Variants in PTPN12 observed in about 807,000 individuals in gnomAD.
PTPN12 encodes tyrosine-protein phosphatase non-receptor type 12.
In PTPN12, 29 loss-of-function variants were observed where a neutral mutation model predicts 97.6. That is an observed-to-expected ratio of 0.30 (90% CI 0.22 to 0.41). The LOEUF (loss-of-function observed/expected upper bound fraction) is 0.41, where lower values mean the gene tolerates loss of function less well. Among genes scored for constraint, PTPN12 ranks in the 10% least tolerant of loss-of-function variants. The pLI, the probability that PTPN12 is intolerant of heterozygous loss-of-function variation, is 1.00. For synonymous variants in PTPN12, 327 were observed against 300.4 expected, an observed-to-expected ratio of 1.09 and a Z score of -0.91; for missense variants, 819 against 926.0, an observed-to-expected ratio of 0.88 and a Z score of 1.50.
At chr7:77,616,196 A>G (rs1788744302) in intron 11 of PTPN12, among the ~76,000 whole-genome samples, 1 of 152,142 alleles carries the variant, frequency 6.6e-6, no homozygotes, top group African/African-American at 2.4e-5. Context: ...TTTTGTCAAA[A>G]TCTTACCAAT....
At chr7:77,550,190 T>C (rs1287812583) in intron 1 of PTPN12, among the ~76,000 whole-genome samples, 1 of 152,178 alleles carries the variant, frequency 6.6e-6, no homozygotes, top group Non-Finnish European at 1.5e-5. Context: ...TGGTTGTCTG[T>C]GCCCAAGATT....
chr7:77,636,951 C>A, intron 15 of PTPN12, 67 bp from the exon 16 acceptor site: 2 of 1,274,132 alleles, frequency 1.6e-6, no homozygotes, highest in Non-Finnish European at 2.2e-6. Flanking sequence ...CCATAACAGA[C>A]CCAGCTTTCT....
Position 77,548,588 on chromosome 7 carries a change from A to G in PTPN12, c.99+10943A>G, listed in dbSNP as rs144628597. Reference sequence around the variant, plus strand: ...AGTTAGGAAAGCAGATGCTTTTTATATGACATGATGCTGCTTAGGCCAACA... The same window carrying G: ...AGTTAGGAAAGCAGATGCTTTTTATGTGACATGATGCTGCTTAGGCCAACA... On this transcript the variant is annotated intron_variant, in intron 1 of 17. Transcript: ENST00000248594. Among the ~76,000 whole-genome samples, 18 of 152,332 alleles carry G rather than the reference A, an allele frequency of 1.2e-4. No individual in the cohort carries two copies. In the East Asian group the frequency reaches 3.5e-3, roughly 29 times the overall value.
chr7:77,615,399 T>C (rs1788713999), intron 11 of PTPN12, among the ~76,000 whole-genome samples: 1 of 152,236 alleles, frequency 6.6e-6, no homozygotes, highest in African/African-American at 2.4e-5. Flanking sequence ...AAAGCTGTTA[T>C]ATGGAAAATA....
At chr7:77,603,828 G>T (rs1302148158) in intron 8 of PTPN12, among the ~76,000 whole-genome samples, 4 of 150,688 alleles carry the variant, frequency 2.7e-5, no homozygotes, top group Non-Finnish European at 5.9e-5. Flanking sequence ...GGCAGTATGT[G>T]AGAGTACCTA....
At chr7:77,564,744 G>GTT (rs1329627463) in intron 1 of PTPN12, among the ~76,000 whole-genome samples, 7 of 34,364 alleles carry the variant, frequency 2.0e-4, no homozygotes, top group African/African-American at 1.2e-4. Context: ...TTTTGTTGTC[G>GTT]TGTTTTTTTT....
At chr7:77,600,161 A>G (rs1449564250) in intron 7 of PTPN12, among the ~76,000 whole-genome samples, 1 of 152,186 alleles carries the variant, frequency 6.6e-6, no homozygotes, top group Non-Finnish European at 1.5e-5. Context: ...TGAGTTTGGC[A>G]TTGGACAAAT....
chr7:77,553,292 C>T (rs1807560714), intron 1 of PTPN12, among the ~76,000 whole-genome samples: 2 of 152,174 alleles, frequency 1.3e-5, no homozygotes, highest in Non-Finnish European at 2.9e-5. Flanking sequence ...TATAGACGTG[C>T]ATTATATATC....
At chr7:77,563,427 A>G (rs1445811744) in intron 1 of PTPN12, among the ~76,000 whole-genome samples, 3 of 152,206 alleles carry the variant, frequency 2.0e-5, no homozygotes, top group Non-Finnish European at 2.9e-5. Flanking sequence ...ACACTGGGAT[A>G]TGTTCTAGAT....
chr7:77,547,274 G>C (rs956351513), intron 1 of PTPN12, among the ~76,000 whole-genome samples: 1 of 152,172 alleles, frequency 6.6e-6, no homozygotes, highest in African/African-American at 2.4e-5. Context: ...AAACATGGCA[G>C]TACTCTGTTC....
chr7:77,600,628 AT>A (rs1342901538), intron 7 of PTPN12, 35 bp from the exon 8 acceptor site: 1 of 1,538,206 alleles, frequency 6.5e-7, no homozygotes, highest in Non-Finnish European at 8.8e-7. Flanking sequence ...TTTGCAAAGT[AT>A]TTTCATAATT....
At chr7:77,619,571 G>A (rs1214412360) in intron 12 of PTPN12, among the ~76,000 whole-genome samples, 1 of 152,160 alleles carries the variant, frequency 6.6e-6, no homozygotes, top group Non-Finnish European at 1.5e-5. Context: ...GTGTACTCTG[G>A]TATAAAGAGG....
At chr7:77,564,762 T>TTTTTTTTTG (rs1808181387) in intron 1 of PTPN12, among the ~76,000 whole-genome samples, 1 of 110,658 alleles carries the variant, frequency 9.0e-6, no homozygotes, top group Non-Finnish European at 1.8e-5. Context: ...TTTTTTTTTT[T>TTTTTTTTTG]TTTTTTTTTT....
chr7:77,555,358 T>G (rs1393264038), intron 1 of PTPN12, among the ~76,000 whole-genome samples: 1 of 152,158 alleles, frequency 6.6e-6, no homozygotes, highest in Non-Finnish European at 1.5e-5. Context: ...AATCATTATT[T>G]CAAATATTTC....
At chr7:77,620,348 GAA>G (rs1261634381) in intron 12 of PTPN12, among the ~76,000 whole-genome samples, 4 of 152,094 alleles carry the variant, frequency 2.6e-5, no homozygotes, top group Non-Finnish European at 5.9e-5. Flanking sequence ...TGCATATTAA[GAA>G]AAAATATTCA....
chr7:77,581,394 A>G (rs1283032698), intron 2 of PTPN12, 33 bp from the exon 3 acceptor site: 13 of 1,424,436 alleles, frequency 9.1e-6, no homozygotes, highest in Admixed American at 3.5e-5. Context: ...CTGTGTGTCA[A>G]CCATACATAT....
intron 1 of PTPN12, among the ~76,000 whole-genome samples, chr7:77,566,717 C>T (rs564406237): frequency 2.0e-5 from 3 of 152,252 alleles, no homozygotes; most frequent in East Asian, 3.9e-4. Flanking sequence ...GAGTGAGTCC[C>T]TGTCTCAATA....
At chr7:77,539,508 G>A (rs1296992567) in intron 1 of PTPN12, among the ~76,000 whole-genome samples, 1 of 152,180 alleles carries the variant, frequency 6.6e-6, no homozygotes, top group Non-Finnish European at 1.5e-5. Context: ...GTCATTTACA[G>A]CAATTGGATG....
intron 1 of PTPN12, among the ~76,000 whole-genome samples, chr7:77,548,372 A>G (rs1394077462): frequency 1.3e-5 from 2 of 152,204 alleles, no homozygotes; most frequent in African/African-American, 4.8e-5. Context: ...AAAGGAAGGG[A>G]GTTCTAGGTC....
Sources: allele counts gnomAD v4.1 joint callset (sites outside exome capture counted in the v4.1 genomes callset), GRCh38; gene constraint gnomAD v4.1.1; transcripts MANE v1.5; gene names NCBI Gene and HGNC (gene_info 2026-07-23, HGNC 2026-07-21).